Variants in RPTOR observed in about 807,000 individuals in gnomAD.
RPTOR encodes the protein regulatory-associated protein of mTOR.
In RPTOR, 21 loss-of-function variants were observed where a neutral mutation model predicts 169.9. That is an observed-to-expected ratio of 0.12 (90% CI 0.09 to 0.18). The LOEUF (loss-of-function observed/expected upper bound fraction) is 0.18. RPTOR is among the 10% of genes least tolerant of loss of function. The pLI is 1.00. For synonymous variants in RPTOR, 732 were observed against 753.2 expected (o/e 0.97, Z 0.46); for missense variants, 1,133 against 1,855.9 (o/e 0.61, Z 7.16).
At chr17:80,875,911 T>TC (rs1356984036) in intron 13 of RPTOR, among the ~76,000 whole-genome samples, 1 of 106,598 alleles carries the variant, frequency 9.4e-6, no homozygotes, top group East Asian at 2.9e-4. Context: ...TGCCAGGTCT[T>TC]CCACCGAGCC....
Position 80,730,313 on chromosome 17 carries a change from C to T in RPTOR, c.508-247C>T, listed in dbSNP as rs556628068. On this transcript the variant is annotated intron_variant, in intron 4 of 33. Coordinates refer to ENST00000306801, the MANE Select transcript of RPTOR (RefSeq NM_020761.3). This position sits in a 1 kb window ranked among gnomAD's most constrained non-coding sequence, Gnocchi z 4.2. ...TAGAGACTGGGTTTTACCATGTTGG[C>T]CAGGCTGGTCTTGAACTCCTGACCT... Among the ~76,000 whole-genome samples, 1 of 152,222 alleles carries T rather than the reference C, an allele frequency of 6.6e-6. No homozygotes were observed. Among genetic ancestry groups the T allele is most frequent in the Admixed American group, 6.5e-5 (1 of 15,292 alleles).
intron 13 of RPTOR, among the ~76,000 whole-genome samples, chr17:80,864,743 AT>A (rs990153009): frequency 3.3e-5 from 5 of 152,338 alleles, no homozygotes; most frequent in African/African-American, 9.6e-5. Flanking sequence ...TAAATATGGG[AT>A]TTTTTTCTTT....
intron 6 of RPTOR, among the ~76,000 whole-genome samples, chr17:80,791,001 A>G (rs2067042140): frequency 6.6e-6 from 1 of 152,232 alleles, no homozygotes; most frequent in South Asian, 2.1e-4. Flanking sequence ...GGATTTTATG[A>G]TTATGAACAT....
At chr17:80,918,035 C>T (rs192496823) in intron 21 of RPTOR, among the ~76,000 whole-genome samples, 53 of 152,340 alleles carry the variant, frequency 3.5e-4, no homozygotes, top group Admixed American at 2.8e-3. Context: ...TGGGATGAGC[C>T]GCCCCAGGAA....
chr17:80,694,456 G>A (rs35584560), intron 3 of RPTOR, among the ~76,000 whole-genome samples: 26,755 of 152,238 alleles, frequency 0.18, 3,763 homozygotes, highest in African/African-American at 0.39. Context: ...GAGTGAGAGT[G>A]TCTTCCATAT....
Position 80,960,343 on chromosome 17 carries a change from T to A in RPTOR, c.3605+138T>A. ...TTCCCCAGGAGCCTGCAGTGGCGTA[T>A]TTAGGCCAGTCCTGGGCTCCCCAAA... is the stretch of plus-strand genomic sequence containing the variant. On this transcript the variant is annotated intron_variant, in intron 30 of 33. Transcript: ENST00000306801. This position sits in a 1 kb window ranked among gnomAD's most constrained non-coding sequence, Gnocchi z 4.8. 1 of 1,204,184 alleles carries A rather than the reference T, an allele frequency of 8.3e-7. No individual in the cohort carries two copies. The highest frequency in any genetic ancestry group is 1.2e-6 in the Non-Finnish European group (1 of 860,266). The allele number at this position is 1,204,184 out of a possible 1,614,324, so 74.6% of individuals were successfully genotyped here.
At position 80,858,850 on chromosome 17, in the gene RPTOR, C is replaced by T. The variant is rs534061176; in HGVS notation, c.1509+950C>T. ...ATCCACGCAGACGGTGCACGGTTCC[C>T]GGTAGACACAGTTGAACTTCATTTA... On this transcript the variant is annotated intron_variant, in intron 13 of 33. Coordinates refer to ENST00000306801, the MANE Select transcript of RPTOR (RefSeq NM_020761.3). 2.6e-5 allele frequency among the ~76,000 whole-genome samples: 4 copies of T among 152,274 alleles called. No individual in the cohort carries two copies. In the South Asian group the frequency reaches 6.2e-4, roughly 24 times the overall value.
At chr17:80,569,996 G>A (rs61096326) in intron 1 of RPTOR, among the ~76,000 whole-genome samples, 1 of 151,878 alleles carries the variant, frequency 6.6e-6, no homozygotes, top group Non-Finnish European at 1.5e-5. Context: ...TTGCCTTCAG[G>A]CAGGGACTCA....
chr17:80,777,545 TTG>T (rs2066903389), intron 6 of RPTOR, among the ~76,000 whole-genome samples: 1 of 138,140 alleles, frequency 7.2e-6, no homozygotes, highest in African/African-American at 2.8e-5. Flanking sequence ...TTGGCCTTTG[TTG>T]TTTTTTTTTT....
Position 80,645,810 on chromosome 17 carries a change from G to C in RPTOR, c.348+2000G>C, listed in dbSNP as rs145755087. Among the ~76,000 whole-genome samples, 454 of 152,324 alleles carry C rather than the reference G, an allele frequency of 3.0e-3. 2 individuals are homozygous for C. Among genetic ancestry groups the C allele is most frequent in the African/African-American group, 0.01 (417 of 41,556 alleles). ...CCAGAAAGATGACAGTGTAGACTCA[G>C]TACAGGATGGAGGATTCCCTGCCCA... is the stretch of plus-strand genomic sequence containing the variant. On this transcript the variant is annotated intron_variant, in intron 3 of 33. Transcript: ENST00000306801.
At chr17:80,621,999 C>T (rs2065358218) in intron 1 of RPTOR, among the ~76,000 whole-genome samples, 2 of 152,210 alleles carry the variant, frequency 1.3e-5, no homozygotes, top group Non-Finnish European at 2.9e-5. Flanking sequence ...GTTTCTTCCA[C>T]GGGCTTTTGC....
intron 7 of RPTOR, among the ~76,000 whole-genome samples, chr17:80,793,076 G>A (rs1207822088): frequency 2.6e-5 from 4 of 152,108 alleles, no homozygotes; most frequent in East Asian, 1.9e-4. Flanking sequence ...TTCTCAAAGC[G>A]CCGGGATTAC....
At chr17:80,930,468 CCCCAG>C in intron 24 of RPTOR, among the ~76,000 whole-genome samples, 1 of 40,960 alleles carries the variant, frequency 2.4e-5, no homozygotes, top group Admixed American at 2.5e-4. Flanking sequence ...CCCAGCTCAT[CCCCAG>C]CTCATCCCCA....
Position 80,744,541 on chromosome 17 carries a change from C to T in RPTOR, c.655-9469C>T, listed in dbSNP as rs369613213. 1.6e-3 allele frequency among the ~76,000 whole-genome samples: 89 copies of T among 55,042 alleles called. 5 individuals are homozygous for T. The highest frequency in any genetic ancestry group is 3.0e-3 in the African/African-American group (48 of 15,832). 36.1% of individuals were successfully genotyped at this position (55,042 alleles called of 152,430 possible). On this transcript the variant is annotated intron_variant, in intron 5 of 33. Transcript: ENST00000306801. ...AGCACAGCCCTGGCTACTAGCACAGCCCTGGCTACTAGCACTGTCCTGGTT... is the reference window on the plus strand; with the variant it reads ...AGCACAGCCCTGGCTACTAGCACAGTCCTGGCTACTAGCACTGTCCTGGTT...
At chr17:80,677,763 A>G (rs2065870753) in intron 3 of RPTOR, among the ~76,000 whole-genome samples, 1 of 135,280 alleles carries the variant, frequency 7.4e-6, no homozygotes, top group South Asian at 2.3e-4. Context: ...TTACAAAAGA[A>G]TAACAAAATA....
chr17:80,607,840 G>A, intron 1 of RPTOR, among the ~76,000 whole-genome samples: 1 of 151,966 alleles, frequency 6.6e-6, no homozygotes, highest in South Asian at 2.1e-4. Context: ...CGTACTGAAG[G>A]TAAAAATATG....
At chr17:80,661,638 C>A (rs1360795493) in intron 3 of RPTOR, among the ~76,000 whole-genome samples, 1 of 152,146 alleles carries the variant, frequency 6.6e-6, no homozygotes, top group Non-Finnish European at 1.5e-5. Context: ...CGCTCCTATG[C>A]ACATCTTGTT....
At chr17:80,658,485 C>T (rs2065696570) in intron 3 of RPTOR, among the ~76,000 whole-genome samples, 1 of 152,054 alleles carries the variant, frequency 6.6e-6, no homozygotes, top group Non-Finnish European at 1.5e-5. Context: ...TTTGAAAGTT[C>T]CCTCCCCGCA....
chr17:80,836,577 C>T (rs1203250747), intron 9 of RPTOR, among the ~76,000 whole-genome samples: 2 of 152,168 alleles, frequency 1.3e-5, no homozygotes, highest in African/African-American at 4.8e-5. Context: ...CCCTCTGCCA[C>T]AGGGCTAGAG....
Sources: gnomAD v4.1 joint callset for allele counts (sites outside exome capture counted in the v4.1 genomes callset) on GRCh38, gnomAD v4.1.1 for gene constraint, Gnocchi (gnomAD v3.1) non-coding constraint, MANE v1.5 for transcripts, NCBI Gene and HGNC (gene_info 2026-07-23, HGNC 2026-07-21) for gene names.